Variants in PARD3B observed in about 807,000 individuals in gnomAD.
PARD3B encodes par-3 family cell polarity regulator beta, also known as partitioning defective 3 homolog B.
Under a neutral mutation model 130.2 loss-of-function variants are expected in PARD3B, and 103 were observed. The ratio of observed to expected loss-of-function variants is 0.79; its 90% confidence interval spans 0.67 to 0.93. The LOEUF is 0.93. PARD3B is among the 40% of genes least tolerant of loss of function. PARD3B has a pLI of 0.00. For missense variants in PARD3B, 1,609 were observed against 1,499.2 expected (o/e 1.07, Z -1.21); for synonymous variants, 583 against 553.2 (o/e 1.05, Z -0.76).
Position 205,060,348 on chromosome 2 carries a change from G to A in PARD3B, c.504+12658G>A, listed in dbSNP as rs559097734. On this transcript the variant is annotated intron_variant, in intron 4 of 22. Transcript: ENST00000406610. ...TACACAATTTAGATACCTCTGTGAAGGAGAAAATTTTTCCACCACAAAGGA... is the reference window on the plus strand; with the variant it reads ...TACACAATTTAGATACCTCTGTGAAAGAGAAAATTTTTCCACCACAAAGGA... 2.0e-5 allele frequency among the ~76,000 whole-genome samples: 3 copies of A among 152,220 alleles called. No homozygotes were observed. In the East Asian group the frequency reaches 5.8e-4, roughly 29 times the overall value.
At chr2:204,935,022 CTTAT>C (rs1312939732) in intron 2 of PARD3B, among the ~76,000 whole-genome samples, 1 of 152,052 alleles carries the variant, frequency 6.6e-6, no homozygotes, top group African/African-American at 2.4e-5. Context: ...TTTAGAACAC[CTTAT>C]TTGTTATATG....
At chr2:205,227,580 G>A (rs914317137) in intron 15 of PARD3B, among the ~76,000 whole-genome samples, 2 of 151,932 alleles carry the variant, frequency 1.3e-5, no homozygotes, top group Non-Finnish European at 2.9e-5. Context: ...CTTCTTAGGT[G>A]AAGTGTATTT....
chr2:205,113,316 G>A (rs1000673311), intron 5 of PARD3B, among the ~76,000 whole-genome samples, 175 bp from the exon 6 acceptor site: 1 of 151,940 alleles, frequency 6.6e-6, no homozygotes, highest in Non-Finnish European at 1.5e-5. Flanking sequence ...TTTGTTTTCT[G>A]GATCATCTGA....
intron 18 of PARD3B, among the ~76,000 whole-genome samples, chr2:205,379,449 T>TG (rs2105929863): frequency 6.6e-6 from 1 of 152,160 alleles, no homozygotes; most frequent in Admixed American, 6.5e-5. Flanking sequence ...ATGATTATGA[T>TG]GAAGTCTAAT....
At chr2:204,940,636 T>C (rs553819039) in intron 2 of PARD3B, among the ~76,000 whole-genome samples, 85 of 152,296 alleles carry the variant, frequency 5.6e-4, no homozygotes, top group African/African-American at 1.9e-3. Flanking sequence ...GCTTGGGAGT[T>C]CTGGGAACAG....
At chr2:205,402,341 A>T (rs1433479584) in intron 19 of PARD3B, among the ~76,000 whole-genome samples, 1 of 152,214 alleles carries the variant, frequency 6.6e-6, no homozygotes, top group East Asian at 1.9e-4. Flanking sequence ...GTAAAATGTA[A>T]TCCAGGCTGA....
At chr2:204,650,151 G>T (rs2125167275) in intron 1 of PARD3B, among the ~76,000 whole-genome samples, 1 of 152,190 alleles carries the variant, frequency 6.6e-6, no homozygotes, top group African/African-American at 2.4e-5. Context: ...GCATATTAAA[G>T]CTCAATATCA....
chr2:205,018,218 G>C (rs1425146419), intron 3 of PARD3B, among the ~76,000 whole-genome samples: 1 of 152,140 alleles, frequency 6.6e-6, no homozygotes, highest in Admixed American at 6.6e-5. Flanking sequence ...AAGGAAGGAA[G>C]TCTAAAAGTG....
intron 1 of PARD3B, among the ~76,000 whole-genome samples, chr2:204,620,014 T>C (rs2034242541): frequency 6.6e-6 from 1 of 152,100 alleles, no homozygotes; most frequent in African/African-American, 2.4e-5. Context: ...CTCTCTCTCT[T>C]TTTTTGAGAT....
At chr2:205,117,235 T>C (rs1485781227) in intron 6 of PARD3B, among the ~76,000 whole-genome samples, 1 of 152,216 alleles carries the variant, frequency 6.6e-6, no homozygotes, top group Non-Finnish European at 1.5e-5. Context: ...TTTTTAATAC[T>C]GTGTTTCAAG....
chr2:205,126,565 C>A (rs2031422281), intron 10 of PARD3B, among the ~76,000 whole-genome samples: 1 of 149,964 alleles, frequency 6.7e-6, no homozygotes, highest in South Asian at 2.1e-4. Flanking sequence ...CAAGGTGAAA[C>A]CCCGTCTCTA....
chr2:205,539,617 G>C (rs2052032165), intron 21 of PARD3B, among the ~76,000 whole-genome samples: 1 of 152,140 alleles, frequency 6.6e-6, no homozygotes, highest in Non-Finnish European at 1.5e-5. Flanking sequence ...ATGACCAGCT[G>C]TTTTTTATTT....
At chr2:204,746,692 A>G (rs1157843993) in intron 2 of PARD3B, among the ~76,000 whole-genome samples, 3 of 152,052 alleles carry the variant, frequency 2.0e-5, no homozygotes, top group African/African-American at 7.3e-5. Flanking sequence ...GTGAGATGGT[A>G]TCTCATTGTG....
intron 1 of PARD3B, among the ~76,000 whole-genome samples, chr2:204,660,522 T>C (rs1257409158): frequency 2.0e-5 from 3 of 152,154 alleles, no homozygotes; most frequent in Non-Finnish European, 2.9e-5. Context: ...GTTGCTAATA[T>C]ACTGTTCTGT....
chr2:204,545,873 G>C lies in PARD3B; in HGVS notation c.-127G>C. The C allele has an allele frequency of 9.2e-7, 1 of 1,084,456 alleles. No homozygotes were observed. The highest frequency in any genetic ancestry group is 3.2e-5 in the East Asian group (1 of 31,640). 67.2% of individuals were successfully genotyped at this position (1,084,456 alleles called of 1,614,324 possible). A position where few individuals can be genotyped will look rare whatever the true frequency, so the allele number is the denominator to read the frequency against. On this transcript the variant is annotated 5_prime_UTR_variant, in exon 1 of 23. Transcript: ENST00000406610. ...CTGCCGCGAGCCTCCGGGCCTCAGGGTGTTCCGGGGAGCGGCGCCCCGGGT... is the reference window on the plus strand; with the variant it reads ...CTGCCGCGAGCCTCCGGGCCTCAGGCTGTTCCGGGGAGCGGCGCCCCGGGT...
chr2:204,699,178 A>G (rs2037762020), intron 2 of PARD3B, among the ~76,000 whole-genome samples: 1 of 152,078 alleles, frequency 6.6e-6, no homozygotes, highest in African/African-American at 2.4e-5. Flanking sequence ...AGAAGTGTCT[A>G]GGTGCCCCTG....
intron 20 of PARD3B, among the ~76,000 whole-genome samples, chr2:205,478,638 G>A (rs1430668818): frequency 6.6e-6 from 1 of 152,178 alleles, no homozygotes; most frequent in Non-Finnish European, 1.5e-5. Flanking sequence ...GCTAGAAAGC[G>A]ATATGCTTAT....
At position 205,176,584 on chromosome 2, in the gene PARD3B, G is replaced by A. The variant is rs763744489; in HGVS notation, c.1924+7G>A. 1.9e-6 allele frequency: 3 copies of A among 1,590,880 alleles called. No individual in the cohort carries two copies. Among genetic ancestry groups the A allele is most frequent in the South Asian group, 2.3e-5 (2 of 87,128 alleles). ...CCACAAGACAAACAGAAAGGTAAGAGTCTATTCATTTTATCCACTGCAAAT... is the reference window on the plus strand; with the variant it reads ...CCACAAGACAAACAGAAAGGTAAGAATCTATTCATTTTATCCACTGCAAAT... On this transcript the variant is annotated splice_region_variant and intron_variant, in intron 13 of 22. Transcript: ENST00000406610. This position sits in a 1 kb window ranked among gnomAD's most constrained non-coding sequence, Gnocchi z 5.3.
chr2:205,222,049 C>G (rs2038268731), intron 15 of PARD3B, among the ~76,000 whole-genome samples: 1 of 151,706 alleles, frequency 6.6e-6, no homozygotes, highest in Admixed American at 6.6e-5. Context: ...CAACAGACCT[C>G]TATTACACAA....
Sources: gnomAD v4.1 joint callset for allele counts (sites outside exome capture counted in the v4.1 genomes callset) on GRCh38, gnomAD v4.1.1 for gene constraint, Gnocchi (gnomAD v3.1) non-coding constraint, MANE v1.5 for transcripts, NCBI Gene and HGNC (gene_info 2026-07-23, HGNC 2026-07-21) for gene names.